DNAAF11: variants seen among roughly 807,000 people sequenced by gnomAD.
DNAAF11 encodes dynein axonemal assembly factor 11, also known as leucine rich repeat containing 6.
A neutral mutation model predicts 60.8 loss-of-function variants in DNAAF11; 45 were observed. The ratio of observed to expected loss-of-function variants is 0.74; its 90% CI spans 0.58 to 0.95. The LOEUF is 0.95. Among genes scored for constraint, DNAAF11 ranks in the 40% least tolerant of loss-of-function variants. The pLI is 0.00. For missense variants in DNAAF11, 546 were observed against 546.2 expected, an observed-to-expected ratio of 1.00 and a Z score of 0.00; for synonymous variants, 191 against 183.5, an observed-to-expected ratio of 1.04 and a Z score of -0.33.
At chr8:132,602,515 C>T (rs867708848) in intron 10 of DNAAF11, among the ~76,000 whole-genome samples, 47 of 152,188 alleles carry the variant, frequency 3.1e-4, no homozygotes, top group African/African-American at 1.1e-3. Context: ...ACTGCAATCC[C>T]TATGTAAATT....
At chr8:132,652,655 G>A (rs1248222628) in intron 3 of DNAAF11, among the ~76,000 whole-genome samples, 2 of 152,084 alleles carry the variant, frequency 1.3e-5, no homozygotes, top group East Asian at 3.9e-4. Flanking sequence ...CATGGATGAC[G>A]CTGGAAACCA....
At chr8:132,602,234 C>T (rs1168263602) in intron 10 of DNAAF11, among the ~76,000 whole-genome samples, 1 of 152,072 alleles carries the variant, frequency 6.6e-6, no homozygotes, top group African/African-American at 2.4e-5. Context: ...CCTTATAAAA[C>T]ATTTCATGCT....
intron 3 of DNAAF11, among the ~76,000 whole-genome samples, chr8:132,645,676 T>C (rs1406913041): frequency 6.6e-6 from 1 of 151,892 alleles, no homozygotes; most frequent in Non-Finnish European, 1.5e-5. Context: ...AATCATGGCA[T>C]GAGAACTAAG....
intron 10 of DNAAF11, among the ~76,000 whole-genome samples, chr8:132,598,063 C>A (rs183126220): frequency 6.6e-4 from 101 of 152,176 alleles, no homozygotes; most frequent in Non-Finnish European, 1.0e-3. Flanking sequence ...GGAAACATAC[C>A]CTATGATTTA....
At position 132,572,154 on chromosome 8, in the gene DNAAF11, G is replaced by T; in HGVS notation, c.*152C>A. 4 of 577,646 alleles carry T rather than the reference G, an allele frequency of 6.9e-6. No homozygotes were observed. The South Asian group carries it at 9.5e-5, about 14-fold the overall frequency. 35.8% of individuals were successfully genotyped at this position (577,646 alleles called of 1,614,324 possible). A position where few individuals can be genotyped will look rare whatever the true frequency, so the allele number is the denominator to read the frequency against. On this transcript the variant is annotated 3_prime_UTR_variant, in exon 12 of 12. Coordinates refer to ENST00000620350, the MANE Select transcript of DNAAF11 (RefSeq NM_012472.6). Reference sequence around the variant, plus strand: ...CATTTTAATTTTAAGCTATCTTAAGGATATTACTATGCAAAGTAAGAGTTA... The same window carrying T: ...CATTTTAATTTTAAGCTATCTTAAGTATATTACTATGCAAAGTAAGAGTTA...
chr8:132,692,062 T>C, the DNAAF11 span, among the ~76,000 whole-genome samples: 2 of 152,114 alleles, frequency 1.3e-5, no homozygotes, highest in African/African-American at 2.4e-5. Flanking sequence ...GGCTGCTATA[T>C]GAAAAAGAGA....
rs575021980 is a variant in DNAAF11 at position 132,668,393 on chromosome 8, G to A, written c.11-6766C>T. Among the ~76,000 whole-genome samples, 8 of 152,264 alleles carry A rather than the reference G, an allele frequency of 5.3e-5. No homozygotes were observed. The East Asian group carries it at 1.5e-3, about 29-fold the overall frequency. ...GATGAGTGCACAGGAGACAGTGATC[G>A]GTGCTACTGAGAAAAAGGAAGTCAG... is the stretch of plus-strand genomic sequence containing the variant. On this transcript the variant is annotated intron_variant, in intron 1 of 11. Transcript: ENST00000620350.
In DNAAF11 at chr8:132,637,793, C is replaced by A. The variant is rs113258427; in HGVS notation, c.429+142G>T. 5.1e-5 allele frequency: 31 copies of A among 607,860 alleles called. 1 individual carries two copies. The highest frequency in any genetic ancestry group is 4.8e-4 in the African/African-American group (26 of 53,960). 37.7% of individuals were successfully genotyped at this position (607,860 alleles called of 1,614,324 possible). ...ATTCAAACAATATTAAAGGTCTAGCCATTCAAATAATTACTTTGGGCTCTC... is the reference window on the plus strand; with the variant it reads ...ATTCAAACAATATTAAAGGTCTAGCAATTCAAATAATTACTTTGGGCTCTC... On this transcript the variant is annotated intron_variant, in intron 4 of 11. Coordinates refer to ENST00000620350, the MANE Select transcript of DNAAF11 (RefSeq NM_012472.6).
At chr8:132,595,165 C>T (rs945529568) in intron 10 of DNAAF11, among the ~76,000 whole-genome samples, 3 of 151,724 alleles carry the variant, frequency 2.0e-5, no homozygotes, top group Non-Finnish European at 4.4e-5. Context: ...CAGATGTAAA[C>T]AGAGAAAGGG....
intron 11 of DNAAF11, 85 bp downstream of exon 11, chr8:132,583,609 C>A: frequency 9.8e-7 from 1 of 1,020,368 alleles, no homozygotes; most frequent in Non-Finnish European, 1.5e-6. Context: ...AATAATTGTA[C>A]AATTTTGGAA....
intron 10 of DNAAF11, among the ~76,000 whole-genome samples, chr8:132,590,591 T>C (rs1418174167): frequency 2.0e-5 from 3 of 152,240 alleles, no homozygotes; most frequent in Non-Finnish European, 4.4e-5. Context: ...CACTTTCTTA[T>C]TTATGTTGTG....
At chr8:132,573,921 G>C (rs139189744) in intron 11 of DNAAF11, among the ~76,000 whole-genome samples, 14 of 152,148 alleles carry the variant, frequency 9.2e-5, no homozygotes, top group African/African-American at 3.4e-4. Context: ...CATAAACTCC[G>C]TATGCCACAG....
At chr8:132,621,726 G>C (rs531810112) in intron 7 of DNAAF11, among the ~76,000 whole-genome samples, 1 of 152,244 alleles carries the variant, frequency 6.6e-6, no homozygotes, top group South Asian at 2.1e-4. Flanking sequence ...GTAAGGGGAA[G>C]GAATTATAAA....
intron 5 of DNAAF11, among the ~76,000 whole-genome samples, chr8:132,628,471 T>C (rs193237085): frequency 8.5e-5 from 13 of 152,254 alleles, no homozygotes; most frequent in African/African-American, 1.4e-4. Flanking sequence ...TTTCCATTAA[T>C]ACCTTCTTCC....
chr8:132,600,185 G>C (rs531640883), intron 10 of DNAAF11, among the ~76,000 whole-genome samples: 282 of 152,170 alleles, frequency 1.9e-3, no homozygotes, highest in Middle Eastern at 3.4e-3. Flanking sequence ...GCTTCAAAGA[G>C]AATAAAATAC....
At chr8:132,653,438 G>A (rs1053941160) in intron 3 of DNAAF11, among the ~76,000 whole-genome samples, 3 of 151,988 alleles carry the variant, frequency 2.0e-5, no homozygotes, top group African/African-American at 7.2e-5. Context: ...AAACTCAAAT[G>A]CATTTGATAA....
chr8:132,676,922 A>C (rs141168476), upstream of DNAAF11, among the ~76,000 whole-genome samples: 264 of 152,290 alleles, frequency 1.7e-3, 1 homozygote, highest in Non-Finnish European at 3.1e-3. Flanking sequence ...CTTACCTGAC[A>C]TCCACTATTA....
the DNAAF11 span, among the ~76,000 whole-genome samples, chr8:132,681,755 C>G: frequency 3.9e-5 from 6 of 152,234 alleles, no homozygotes; most frequent in African/African-American, 9.6e-5. Flanking sequence ...TTTATTTGTG[C>G]AAACTTCTGC....
In DNAAF11 at chr8:132,639,304, C is replaced by A. The variant is rs146961821; in HGVS notation, c.257-1197G>T. On this transcript the variant is annotated intron_variant, in intron 3 of 11. Coordinates refer to ENST00000620350, the MANE Select transcript of DNAAF11 (RefSeq NM_012472.6). ...ATCTCTCCCTATGACTGCCTCATGC[C>A]TGTGGGATTAACATGGCAGATTTTG... is the stretch of plus-strand genomic sequence containing the variant. Among the ~76,000 whole-genome samples the A allele has an allele frequency of 2.6e-5, 4 of 152,278 alleles. No homozygotes were observed. The East Asian group carries it at 7.7e-4, about 29-fold the overall frequency.
Sources: gnomAD v4.1 joint callset for allele counts (sites outside exome capture counted in the v4.1 genomes callset) on GRCh38, gnomAD v4.1.1 for gene constraint, MANE v1.5 for transcripts, NCBI Gene and HGNC (gene_info 2026-07-23, HGNC 2026-07-21) for gene names.